The following SPATA16 variants were observed in gnomAD, a reference collection of about 807,000 sequenced individuals.
SPATA16 encodes spermatogenesis associated 16, also known as spermatogenesis-associated protein 16.
A neutral mutation model predicts 63.3 loss-of-function variants in SPATA16; 36 were observed. That is an observed-to-expected ratio of 0.57 (90% CI 0.44 to 0.75). SPATA16 has a LOEUF of 0.75. Among genes scored for constraint, SPATA16 ranks in the 30% least tolerant of loss-of-function variants. The pLI is 0.00. For missense variants in SPATA16, 646 were observed against 679.3 expected (o/e 0.95, Z 0.54); for synonymous variants, 203 against 216.7 (o/e 0.94, Z 0.56).
intron 2 of SPATA16, among the ~76,000 whole-genome samples, chr3:173,090,035 G>C (rs1737182686): frequency 6.6e-6 from 1 of 152,152 alleles, no homozygotes; most frequent in Admixed American, 6.5e-5. Flanking sequence ...ATAAAACAAA[G>C]AGGAAGAAAT....
intron 9 of SPATA16, among the ~76,000 whole-genome samples, chr3:172,914,001 A>G (rs144636229): frequency 0.013 from 2,003 of 152,290 alleles, 25 homozygotes; most frequent in Middle Eastern, 0.034. Flanking sequence ...GTAAGTGTTG[A>G]TGTTTTGTGA....
intron 5 of SPATA16, among the ~76,000 whole-genome samples, chr3:172,961,069 T>TCTTTCTTTCTTCTTTCTTCCCTCCTTC (rs1733765195): frequency 1.4e-5 from 1 of 72,346 alleles, no homozygotes; most frequent in South Asian, 5.7e-4. Flanking sequence ...CTTTCTTCTT[T>TCTTTCTTTCTTCTTTCTTCCCTCCTTC]CTTCCTTCCT....
At position 172,925,445 on chromosome 3, in the gene SPATA16, A is replaced by G. The variant is rs1246608711; in HGVS notation, c.1129T>C (p.Phe377Leu). 3.1e-6 allele frequency: 5 copies of G among 1,613,970 alleles called. No individual in the cohort carries two copies. Among genetic ancestry groups the G allele is most frequent in the Non-Finnish European group, 4.2e-6 (5 of 1,179,974 alleles). The stretch of plus-strand genomic sequence containing the variant: ...GTCAAGAGATATTGTTGGGGAGGAA[A>G]AGATGACCAGTCAACTGTCTGAGGC... ...MLPQTVDWSSFPPQQYLLTLG... is the reference protein window; with the variant it reads ...MLPQTVDWSSLPPQQYLLTLG... The change falls in exon 7 of 11, where the codon TTT (phenylalanine) becomes CTT (leucine). Residue 377 changes from phenylalanine to leucine, a missense_variant. By Grantham distance (22) the Phe-to-Leu change is conservative. Coordinates refer to ENST00000351008, the MANE Select transcript of SPATA16 (RefSeq NM_031955.6).
chr3:173,063,114 C>A (rs1311507658), intron 2 of SPATA16, among the ~76,000 whole-genome samples: 1 of 152,164 alleles, frequency 6.6e-6, no homozygotes, highest in Non-Finnish European at 1.5e-5. Flanking sequence ...TTATCCATGT[C>A]TATATTTGTC....
intron 5 of SPATA16, among the ~76,000 whole-genome samples, chr3:172,975,082 TAAATA>T (rs1006476863): frequency 6.6e-6 from 1 of 152,116 alleles, no homozygotes; most frequent in African/African-American, 2.4e-5. Flanking sequence ...TAGTCTGAGG[TAAATA>T]AAATAGGGAT....
intron 4 of SPATA16, among the ~76,000 whole-genome samples, chr3:172,996,149 C>G (rs1263793121): frequency 2.0e-5 from 3 of 152,068 alleles, no homozygotes; most frequent in Non-Finnish European, 4.4e-5. Flanking sequence ...ATAAACTACA[C>G]ATTTTAGGCG....
rs1357820718 is a variant in SPATA16, at chr3:173,026,807, G to C, written c.759-7232C>G. Among the ~76,000 whole-genome samples the C allele has an allele frequency of 2.0e-5, 3 of 151,872 alleles. No individual in the cohort carries two copies. In the Admixed American group the frequency reaches 2.0e-4, roughly 10 times the overall value. ...TTGTCTATCTTATGCCATTATAACA[G>C]TTTTGACTACTATAGATTTATAATA... On this transcript the variant is annotated intron_variant, in intron 3 of 10. Transcript: ENST00000351008.
At chr3:173,053,009 G>A (rs1042239905) in intron 2 of SPATA16, among the ~76,000 whole-genome samples, 3 of 152,140 alleles carry the variant, frequency 2.0e-5, no homozygotes, top group African/African-American at 7.2e-5. Flanking sequence ...AAAAATGCAA[G>A]TCTAAATTCT....
intron 3 of SPATA16, among the ~76,000 whole-genome samples, chr3:173,038,294 G>T (rs1036727155): frequency 1.3e-5 from 2 of 151,934 alleles, no homozygotes; most frequent in African/African-American, 4.8e-5. Flanking sequence ...TCCCAGAAAA[G>T]ACCATTAGGG....
At chr3:173,109,223 C>T (rs1216226606) in intron 2 of SPATA16, among the ~76,000 whole-genome samples, 2 of 152,126 alleles carry the variant, frequency 1.3e-5, no homozygotes, top group Non-Finnish European at 2.9e-5. Context: ...TTCCACCCTT[C>T]CTGTCCTTTT....
intron 4 of SPATA16, among the ~76,000 whole-genome samples, chr3:173,012,389 A>C (rs1243346931): frequency 6.6e-6 from 1 of 152,214 alleles, no homozygotes; most frequent in Non-Finnish European, 1.5e-5. Flanking sequence ...TTCCTATCAA[A>C]CTACCAATGT....
intron 2 of SPATA16, among the ~76,000 whole-genome samples, chr3:173,091,204 A>G (rs1330588255): frequency 6.6e-6 from 1 of 152,198 alleles, no homozygotes; most frequent in Non-Finnish European, 1.5e-5. Context: ...CTTTGTCCTT[A>G]AAACTAAAAA....
chr3:172,996,832 A>C (rs1734703104), intron 4 of SPATA16, among the ~76,000 whole-genome samples: 2 of 152,094 alleles, frequency 1.3e-5, no homozygotes, highest in African/African-American at 4.8e-5. Context: ...CCTGGCAACC[A>C]GTGATCTTTT....
chr3:173,021,945 A>G (rs1423972011), intron 3 of SPATA16, among the ~76,000 whole-genome samples: 2 of 152,018 alleles, frequency 1.3e-5, no homozygotes, highest in African/African-American at 4.8e-5. Context: ...CTATTCTCCA[A>G]GAATCTTGCT....
chr3:172,984,766 T>C (rs1254944898), intron 4 of SPATA16, among the ~76,000 whole-genome samples: 1 of 152,198 alleles, frequency 6.6e-6, no homozygotes, highest in East Asian at 1.9e-4. Context: ...ACTGCCTTCC[T>C]GCTAGTCTGA....
At chr3:172,937,871 G>T (rs1244275145) in intron 6 of SPATA16, among the ~76,000 whole-genome samples, 1 of 152,134 alleles carries the variant, frequency 6.6e-6, no homozygotes, top group Non-Finnish European at 1.5e-5. Flanking sequence ...TTGCAGACGG[G>T]TATACATCAT....
intron 1 of SPATA16, among the ~76,000 whole-genome samples, chr3:173,119,967 G>A (rs927322199): frequency 6.6e-6 from 1 of 152,030 alleles, no homozygotes; most frequent in Non-Finnish European, 1.5e-5. Flanking sequence ...CATGCCTGTA[G>A]TCCCAATTAC....
At chr3:172,986,672 CA>C (rs1734466303) in intron 4 of SPATA16, among the ~76,000 whole-genome samples, 2 of 152,138 alleles carry the variant, frequency 1.3e-5, no homozygotes, top group African/African-American at 2.4e-5. Context: ...GCATTTTGAG[CA>C]GGGGGGGGAA....
intron 4 of SPATA16, among the ~76,000 whole-genome samples, chr3:173,005,343 A>G (rs1253080322): frequency 2.6e-5 from 4 of 151,696 alleles, no homozygotes; most frequent in Non-Finnish European, 2.9e-5. Flanking sequence ...AAAAAAAAAA[A>G]AAAAGAAAAT....
Sources: allele counts gnomAD v4.1 joint callset (sites outside exome capture counted in the v4.1 genomes callset), GRCh38; gene constraint gnomAD v4.1.1; transcripts MANE v1.5; gene names NCBI Gene and HGNC (gene_info 2026-07-23, HGNC 2026-07-21).